Variants in DIS3L2 observed in about 807,000 individuals in gnomAD.
DIS3L2 encodes DIS3 like 3'-5' exoribonuclease 2.
Under a neutral mutation model 97.5 loss-of-function variants are expected in DIS3L2, and 34 were observed. That is an observed-to-expected ratio of 0.35 (90% CI 0.27 to 0.46). DIS3L2 has a LOEUF of 0.46. Ranked by LOEUF, DIS3L2 falls within the 20% of genes least tolerant of loss-of-function variation. The probability of loss-of-function intolerance (pLI) is 1.00; values close to 1 mark genes in which losing one functional copy is unlikely to be tolerated. For missense variants in DIS3L2, 1,038 were observed against 1,146.0 expected (o/e 0.91, Z 1.36); for synonymous variants, 435 against 445.2 (o/e 0.98, Z 0.29).
rs1302423283 is a variant in DIS3L2, at chr2:232,335,791, C to T, written c.2413C>T (p.His805Tyr). The T allele has an allele frequency of 1.9e-6, 3 of 1,550,488 alleles. No homozygotes were observed. The highest frequency in any genetic ancestry group is 2.0e-5 in the Admixed American group (1 of 50,990). ...ACTCCAGGCACTGGCCCTGCGGTCC[C>T]ACCACTTCCAGAAGGTGGGCAAGAA... is the stretch of plus-strand genomic sequence containing the variant. ...IYCNALALRS[H>Y]HFQKVGKKPE... The change falls in exon 20 of 21, where the codon CAC becomes TAC. Residue 805 changes from histidine (H) to tyrosine (Y), a missense_variant. By Grantham distance (83) the His-to-Tyr change is moderately conservative (BLOSUM62 2). Coordinates refer to ENST00000325385, the MANE Select transcript of DIS3L2 (RefSeq NM_152383.5).
At chr2:232,143,735 C>T (rs1188128644) in intron 8 of DIS3L2, among the ~76,000 whole-genome samples, 1 of 151,952 alleles carries the variant, frequency 6.6e-6, no homozygotes, top group East Asian at 1.9e-4. Flanking sequence ...ATTTTTGAAA[C>T]CTAATACTAA....
intron 16 of DIS3L2, 145 bp from the exon 17 acceptor site, chr2:232,333,695 C>T (rs1218566139): frequency 3.1e-6 from 4 of 1,272,582 alleles, no homozygotes; most frequent in Non-Finnish European, 4.2e-6. Context: ...TGGCCCCAGT[C>T]CTCCCTGGCG....
intron 8 of DIS3L2, among the ~76,000 whole-genome samples, chr2:232,148,957 C>G (rs1258632199): frequency 6.8e-6 from 1 of 147,788 alleles, no homozygotes; most frequent in Non-Finnish European, 1.5e-5. Context: ...AATATACCAT[C>G]TTTTAGTATT....
chr2:232,247,711 G>A (rs915714612), intron 11 of DIS3L2, among the ~76,000 whole-genome samples: 20 of 143,394 alleles, frequency 1.4e-4, no homozygotes, highest in African/African-American at 4.1e-4. Flanking sequence ...ATTCAACCAC[G>A]AGATGGTATC....
rs1249259 is a variant in DIS3L2 at position 232,181,390 on chromosome 2, G to A, written c.1124+17758G>A. On this transcript the variant is annotated intron_variant, in intron 9 of 20. Transcript: ENST00000325385. ...CTAGATTGGGGAAGTTCTCCTGGAT[G>A]ATATCCTGCAGAGTGTTTTCCAACT... Among the ~76,000 whole-genome samples, 801 of 150,118 alleles carry A rather than the reference G, an allele frequency of 5.3e-3. 5 individuals carry two copies. Among genetic ancestry groups the A allele is most frequent in the Admixed American group, 0.026 (400 of 15,238 alleles).
intron 9 of DIS3L2, among the ~76,000 whole-genome samples, chr2:232,183,838 A>G (rs1691359974): frequency 6.6e-6 from 1 of 152,190 alleles, no homozygotes; most frequent in East Asian, 1.9e-4. Context: ...GGGGGTTTTC[A>G]GGGAACTGCT....
intron 8 of DIS3L2, among the ~76,000 whole-genome samples, chr2:232,149,508 C>A (rs1690336606): frequency 6.7e-6 from 1 of 148,326 alleles, no homozygotes; most frequent in Admixed American, 6.7e-5. Flanking sequence ...TCATCCATGT[C>A]CCTACAAAGG....
In DIS3L2 at chr2:232,037,582, C is replaced by A. The variant is rs143774102; in HGVS notation, c.366+7502C>A. Among the ~76,000 whole-genome samples, 2 of 151,888 alleles carry A rather than the reference C, an allele frequency of 1.3e-5. No homozygotes were observed. Among genetic ancestry groups the A allele is most frequent in the Admixed American group, 6.6e-5 (1 of 15,260 alleles). ...TGGTATACCAGGAGTCACTGGGGTA[C>A]GAAAAAAAACTCCTGCAGCTAGCTC... is the stretch of plus-strand genomic sequence containing the variant. On this transcript the variant is annotated intron_variant, in intron 5 of 20. Transcript: ENST00000325385. The surrounding 1 kb of genome is among the most constrained non-coding windows in gnomAD (Gnocchi z 4.6).
chr2:232,052,130 C>T (rs1358984711), intron 5 of DIS3L2, among the ~76,000 whole-genome samples: 1 of 151,496 alleles, frequency 6.6e-6, no homozygotes, highest in Non-Finnish European at 1.5e-5. Context: ...TCAAGCAGTT[C>T]TCCTGCCTCA....
intron 6 of DIS3L2, chr2:232,111,172 A>G (rs548157128): frequency 1.1e-4 from 53 of 467,748 alleles, no homozygotes; most frequent in African/African-American, 8.8e-4. Flanking sequence ...AACAACTGAT[A>G]TAGTTCATCC....
intron 14 of DIS3L2, among the ~76,000 whole-genome samples, chr2:232,323,429 A>G (rs561709501): frequency 6.6e-6 from 1 of 152,240 alleles, no homozygotes; most frequent in African/African-American, 2.4e-5. Flanking sequence ...GTGGCCATCT[A>G]GCCTCTGGGG....
intron 5 of DIS3L2, among the ~76,000 whole-genome samples, chr2:232,068,055 T>C (rs571495278): frequency 6.6e-6 from 1 of 152,304 alleles, no homozygotes; most frequent in East Asian, 1.9e-4. Flanking sequence ...GAAGTAGTAT[T>C]CAGAGCATGT....
intron 1 of DIS3L2, among the ~76,000 whole-genome samples, chr2:231,992,584 A>C: frequency 6.7e-6 from 1 of 150,058 alleles, no homozygotes; most frequent in East Asian, 2.0e-4. Context: ...CCCCCAGCCC[A>C]TTCATTTCTC....
At chr2:232,317,458 G>A (rs1400666148) in intron 14 of DIS3L2, among the ~76,000 whole-genome samples, 1 of 152,060 alleles carries the variant, frequency 6.6e-6, no homozygotes, top group East Asian at 1.9e-4. Flanking sequence ...TAGAAGGTAG[G>A]CAGAGTCTCA....
chr2:232,188,480 G>A (rs1248397648), intron 9 of DIS3L2, among the ~76,000 whole-genome samples: 2 of 152,144 alleles, frequency 1.3e-5, no homozygotes, highest in Non-Finnish European at 2.9e-5. Flanking sequence ...AATGTAGGAA[G>A]GATAGCCTTT....
intron 6 of DIS3L2, among the ~76,000 whole-genome samples, chr2:232,125,173 C>T (rs943380195): frequency 6.6e-6 from 1 of 152,238 alleles, no homozygotes; most frequent in African/African-American, 2.4e-5. Flanking sequence ...AGAGTTTAGC[C>T]GCTCTGTCAA....
intron 14 of DIS3L2, among the ~76,000 whole-genome samples, chr2:232,303,786 C>G (rs1575005883): frequency 6.6e-6 from 1 of 152,142 alleles, no homozygotes; most frequent in African/African-American, 2.4e-5. Flanking sequence ...AAGAATGTGG[C>G]CCTCGGGTCC....
chr2:232,210,606 G>C (rs901227563), intron 10 of DIS3L2, among the ~76,000 whole-genome samples: 4 of 152,222 alleles, frequency 2.6e-5, no homozygotes, highest in African/African-American at 9.6e-5. Context: ...GTGAGGGTGA[G>C]AATGAGAAAT....
chr2:232,229,397 G>GTCTTT (rs1455743353), intron 10 of DIS3L2, among the ~76,000 whole-genome samples: 1 of 152,150 alleles, frequency 6.6e-6, no homozygotes, highest in Non-Finnish European at 1.5e-5. Context: ...GGGCTTCACT[G>GTCTTT]TCTTTTGGCT....
Sources: gnomAD v4.1 joint callset for allele counts (sites outside exome capture counted in the v4.1 genomes callset) on GRCh38, gnomAD v4.1.1 for gene constraint, Gnocchi (gnomAD v3.1) non-coding constraint, MANE v1.5 for transcripts, NCBI Gene and HGNC (gene_info 2026-07-23, HGNC 2026-07-21) for gene names.